ACYP2: variants seen among roughly 807,000 people sequenced by gnomAD.
ACYP2 encodes the protein acylphosphatase 2, also known as acylphosphatase-2.
In ACYP2, 12 loss-of-function variants were observed where a neutral mutation model predicts 11.2. That is an observed-to-expected ratio of 1.08 (90% CI 0.69 to 1.74). The LOEUF is 1.74. Ranked by LOEUF, ACYP2 falls within the 40% of genes most tolerant of loss-of-function variation. ACYP2 has a pLI of 0.00. For synonymous variants in ACYP2, 43 were observed against 32.2 expected (o/e 1.33, Z -1.13); for missense variants, 134 against 101.9 (o/e 1.31, Z -1.35).
chr2:53,994,685 G>A lies in ACYP2; in HGVS notation c.62+20875G>A, dbSNP rs556058868. On this transcript the variant is annotated intron_variant, in intron 2 of 6. Transcript: ENST00000607452. ...CAGTTAAAAATGGAATAAGATATCA[G>A]ACCTTCAACCAAATAGTTCTTAATA... Among the ~76,000 whole-genome samples, 12 of 152,192 alleles carry A rather than the reference G, an allele frequency of 7.9e-5. No homozygotes were observed. The South Asian group carries it at 2.5e-3, about 32-fold the overall frequency.
At chr2:54,002,474 T>C (rs981780559) in intron 2 of ACYP2, among the ~76,000 whole-genome samples, 7 of 151,866 alleles carry the variant, frequency 4.6e-5, no homozygotes, top group African/African-American at 1.7e-4. Flanking sequence ...GCCTCCCTAG[T>C]AGCTGGGATT....
At chr2:54,165,492 C>A (rs946911378) in intron 6 of ACYP2, among the ~76,000 whole-genome samples, 1 of 148,686 alleles carries the variant, frequency 6.7e-6, no homozygotes. Context: ...GTGTGTCTGT[C>A]TCTCTCTGTC....
At chr2:54,117,816 T>C (rs1334934317) in intron 4 of ACYP2, among the ~76,000 whole-genome samples, 1 of 152,164 alleles carries the variant, frequency 6.6e-6, no homozygotes, top group Non-Finnish European at 1.5e-5. Context: ...TGGTGTTTGA[T>C]TACATGAATA....
chr2:54,259,391 T>TC (rs1430854626), intron 6 of ACYP2, among the ~76,000 whole-genome samples: 1 of 152,062 alleles, frequency 6.6e-6, no homozygotes, highest in Admixed American at 6.5e-5. Flanking sequence ...AGATAGTGAG[T>TC]CCTGATAAGC....
chr2:54,141,995 G>A (rs1572847737), intron 6 of ACYP2: 2 of 459,538 alleles, frequency 4.4e-6, no homozygotes, highest in East Asian at 6.2e-5. Context: ...GTGTGTGTGT[G>A]TGTGTGTGTG....
At chr2:53,990,386 T>A (rs1014854232) in intron 2 of ACYP2, among the ~76,000 whole-genome samples, 2 of 152,068 alleles carry the variant, frequency 1.3e-5, no homozygotes, top group Non-Finnish European at 2.9e-5. Flanking sequence ...CTGTGGCTCA[T>A]GCCTGTAATC....
intron 2 of ACYP2, among the ~76,000 whole-genome samples, chr2:53,999,723 C>T (rs992490405): frequency 2.0e-5 from 3 of 152,150 alleles, no homozygotes; most frequent in Non-Finnish European, 4.4e-5. Flanking sequence ...TTTTCAGTAG[C>T]ATTGTCCAAT....
chr2:54,288,234 T>TAGAAAC (rs1261676640), intron 6 of ACYP2, among the ~76,000 whole-genome samples: 1 of 151,972 alleles, frequency 6.6e-6, no homozygotes, highest in African/African-American at 2.4e-5. Context: ...TTCTTTACCC[T>TAGAAAC]AGAAACAGAA....
rs957315998 is a variant in ACYP2, at chr2:54,151,747, A to G, written c.404+12999A>G. ...ATCTATATTAAAATGACTTAAGGGT[A>G]TAGTTTTTACTTTAAAGTTCATATT... On this transcript the variant is annotated intron_variant, in intron 6 of 6. Transcript: ENST00000607452. 5.8e-4 allele frequency among the ~76,000 whole-genome samples: 88 copies of G among 152,310 alleles called. 1 individual carries two copies. The highest frequency in any genetic ancestry group is 1.0e-3 in the Non-Finnish European group (71 of 68,020).
chr2:54,005,456 G>A lies in ACYP2; in HGVS notation c.62+31646G>A, dbSNP rs189038224. 1.8e-4 allele frequency among the ~76,000 whole-genome samples: 28 copies of A among 151,410 alleles called. No individual in the cohort carries two copies. The East Asian group carries it at 5.5e-3, about 30-fold the overall frequency. ...CCAGGTTCAAGCGATCTTCCTGCCT[G>A]TGCCTCCCAAGTAGTTGGGAGTACA... is the stretch of plus-strand genomic sequence containing the variant. On this transcript the variant is annotated intron_variant, in intron 2 of 6. Coordinates refer to ENST00000607452, the MANE Select transcript of ACYP2 (RefSeq NM_001320586.2).
At chr2:54,027,403 C>T (rs938564021) in intron 2 of ACYP2, among the ~76,000 whole-genome samples, 5 of 152,172 alleles carry the variant, frequency 3.3e-5, no homozygotes, top group Admixed American at 1.3e-4. Flanking sequence ...AAATATCAAA[C>T]AGGGATGCCA....
intron 6 of ACYP2, among the ~76,000 whole-genome samples, chr2:54,141,682 A>G (rs369697601): frequency 6.6e-6 from 1 of 151,480 alleles, no homozygotes; most frequent in Non-Finnish European, 1.5e-5. Flanking sequence ...ATTTCCTCTC[A>G]CTGTTCTTTT....
At chr2:54,185,541 TTA>T (rs893786081) in intron 6 of ACYP2, among the ~76,000 whole-genome samples, 84 of 152,276 alleles carry the variant, frequency 5.5e-4, no homozygotes, top group African/African-American at 2.0e-3. Context: ...AGGGATTTTT[TTA>T]AAAAGAAACA....
intron 6 of ACYP2, among the ~76,000 whole-genome samples, chr2:54,280,287 G>A (rs1011082081): frequency 6.6e-6 from 1 of 152,174 alleles, no homozygotes; most frequent in African/African-American, 2.4e-5. Flanking sequence ...TGTCCAGGGG[G>A]TGGTTGAAAG....
intron 6 of ACYP2, among the ~76,000 whole-genome samples, chr2:54,259,939 G>A (rs1047963216): frequency 6.6e-6 from 1 of 152,286 alleles, no homozygotes; most frequent in East Asian, 1.9e-4. Flanking sequence ...ATCAAAGAAC[G>A]TGTTTTTAAA....
chr2:54,021,331 A>C (rs1673998526), intron 2 of ACYP2, among the ~76,000 whole-genome samples: 1 of 152,180 alleles, frequency 6.6e-6, no homozygotes. Flanking sequence ...GTTTACTGAA[A>C]CTAGGGGCAA....
At chr2:54,280,362 G>A (rs909504516) in intron 6 of ACYP2, among the ~76,000 whole-genome samples, 6 of 152,138 alleles carry the variant, frequency 3.9e-5, no homozygotes, top group African/African-American at 1.4e-4. Context: ...GGGTAAGGGA[G>A]GTGTGGGTGG....
chr2:54,253,560 T>C (rs1185380754), intron 6 of ACYP2: 2 of 152,188 alleles, frequency 1.3e-5, no homozygotes, highest in Non-Finnish European at 2.9e-5. Flanking sequence ...ACTCCAACCA[T>C]CTTCTATTCT....
At chr2:54,213,492 T>A (rs1055400589) in intron 6 of ACYP2, among the ~76,000 whole-genome samples, 1 of 152,202 alleles carries the variant, frequency 6.6e-6, no homozygotes. Flanking sequence ...CAGTTCTGTT[T>A]TAAGTTCTTT....
Sources: allele counts gnomAD v4.1 joint callset (sites outside exome capture counted in the v4.1 genomes callset), GRCh38; gene constraint gnomAD v4.1.1; transcripts MANE v1.5; gene names NCBI Gene and HGNC (gene_info 2026-07-23, HGNC 2026-07-21).